Variants in ABHD4 observed in about 807,000 individuals in gnomAD.
ABHD4 encodes the protein abhydrolase domain containing 4, N-acyl phospholipase B, also known as (Lyso)-N-acylphosphatidylethanolamine lipase.
Under a neutral mutation model 42.3 loss-of-function variants are expected in ABHD4, and 35 were observed. The ratio of observed to expected loss-of-function variants is 0.83; its 90% confidence interval spans 0.63 to 1.10. The LOEUF is 1.10. ABHD4 is among the 50% of genes least tolerant of loss of function. The pLI is 0.00. For synonymous variants in ABHD4, 169 were observed against 170.6 expected, an observed-to-expected ratio of 0.99 and a Z score of 0.07; for missense variants, 389 against 454.8, an observed-to-expected ratio of 0.86 and a Z score of 1.32.
At chr14:22,604,284 T>C in intron 4 of ABHD4, 1 of 607,732 alleles carries the variant, frequency 1.6e-6, no homozygotes, top group South Asian at 2.3e-5. Context: ...AAAGTCTCGC[T>C]CTGTCACCCA....
chr14:22,599,128 C>T (rs2139259984), intron 1 of ABHD4, among the ~76,000 whole-genome samples: 1 of 152,310 alleles, frequency 6.6e-6, no homozygotes, highest in Middle Eastern at 3.4e-3. Flanking sequence ...GTTTTTCAGA[C>T]CTGTAGAACT....
At chr14:22,605,851 CA>C in intron 4 of ABHD4, 2 of 1,287,398 alleles carry the variant, frequency 1.6e-6, no homozygotes, top group African/African-American at 1.5e-5. Context: ...CTCATTTTTA[CA>C]GTCTGTTGTT....
chr14:22,601,632 T>G (rs1171890075), intron 1 of ABHD4, 35 bp from the exon 2 acceptor site: 1 of 1,580,466 alleles, frequency 6.3e-7, no homozygotes, highest in South Asian at 1.1e-5. Flanking sequence ...TTCTTTCCAA[T>G]GTTGCCAATG....
intron 1 of ABHD4, chr14:22,600,179 A>G (rs2037265678): frequency 2.2e-6 from 1 of 456,030 alleles, no homozygotes; most frequent in Non-Finnish European, 4.4e-6. Flanking sequence ...TAATGTGCCC[A>G]CAGTCACATT....
chr14:22,603,334 T>C (rs1173298422), intron 2 of ABHD4, 56 bp from the exon 3 acceptor site: 11 of 1,605,326 alleles, frequency 6.9e-6, no homozygotes, highest in Non-Finnish European at 9.4e-6. Context: ...CCAGGCAAAA[T>C]GATGATGCCG....
At chr14:22,606,367 C>T in intron 4 of ABHD4, 55 bp from the exon 5 acceptor site, 1 of 1,216,486 alleles carries the variant, frequency 8.2e-7, no homozygotes, top group South Asian at 1.3e-5. Context: ...AGGCAGGAGT[C>T]TTCCCTGCCC....
chr14:22,598,514 AGCCTGGGGAGCCATGGGAGACGCGCTC>A, intron 1 of ABHD4, 185 bp downstream of exon 1: 5 of 1,517,854 alleles, frequency 3.3e-6, no homozygotes, highest in Non-Finnish European at 4.4e-6. Context: ...GCAGCGGCTG[AGCCTGGGGAGCCATGGGAGACGCGCTC>A]GCCCGCAGCC....
At chr14:22,610,027 T>A in intron 6 of ABHD4, 117 bp downstream of exon 6, 1 of 959,604 alleles carries the variant, frequency 1.0e-6, no homozygotes, top group Non-Finnish European at 1.5e-6. Context: ...GATAGAGCAG[T>A]AGATTTGAGA....
intron 2 of ABHD4, 118 bp from the exon 3 acceptor site, chr14:22,603,272 T>G: frequency 2.3e-6 from 3 of 1,300,632 alleles, no homozygotes; most frequent in Non-Finnish European, 3.2e-6. Flanking sequence ...AGGAAGGAGC[T>G]GAGGGAAGTT....
Position 22,612,087 on chromosome 14 carries a change from C to T in ABHD4, c.*1139C>T, listed in dbSNP as rs1219255206. 6.5e-6 allele frequency: 1 copy of T among 152,672 alleles called. No individual in the cohort carries two copies. Among genetic ancestry groups the T allele is most frequent in the Admixed American group, 6.5e-5 (1 of 15,288 alleles). The allele number at this position is 152,672 out of a possible 1,614,324, so 9.5% of individuals were successfully genotyped here. On this transcript the variant is annotated 3_prime_UTR_variant, in exon 7 of 7. Transcript: ENST00000428304. ...TCCTTATCAGCCACTGGGTGGTTCC[C>T]ACTGCATGACCCTCTATCCCTGCCA...
At position 22,611,829 on chromosome 14, in the gene ABHD4, A is replaced by T. The variant is rs955091953; in HGVS notation, c.*881A>T. 6.5e-6 allele frequency: 1 copy of T among 153,026 alleles called. No individual in the cohort carries two copies. Among genetic ancestry groups the T allele is most frequent in the Admixed American group, 6.5e-5 (1 of 15,284 alleles). 9.5% of individuals were successfully genotyped at this position (153,026 alleles called of 1,614,324 possible). A position where few individuals can be genotyped will look rare whatever the true frequency, so the allele number is the denominator to read the frequency against. On this transcript the variant is annotated 3_prime_UTR_variant, in exon 7 of 7. Transcript: ENST00000428304. ...CCTTCCTTGCCCCATCTTCCTCCCA[A>T]CTGGAGGCCTCTGAGCCTCCCCTGT...
At chr14:22,605,939 G>A in intron 4 of ABHD4, 1 of 831,694 alleles carries the variant, frequency 1.2e-6, no homozygotes. Flanking sequence ...ACACGATTGT[G>A]TTTAGTTCAC....
At chr14:22,601,142 C>T (rs544691041) in intron 1 of ABHD4, among the ~76,000 whole-genome samples, 1 of 152,262 alleles carries the variant, frequency 6.6e-6, no homozygotes, top group South Asian at 2.1e-4. Context: ...TGATTGATTA[C>T]CTGAGAGATC....
Position 22,603,760 on chromosome 14 carries a change from T to C in ABHD4, c.483T>C (p.Asp161=), listed in dbSNP as rs952893721. 1.9e-6 allele frequency: 3 copies of C among 1,575,942 alleles called. No homozygotes were observed. Among genetic ancestry groups the C allele is most frequent in the Middle Eastern group, 1.7e-4 (1 of 5,868 alleles). The stretch of plus-strand genomic sequence containing the variant: ...CTTCTTACTCAATCAAGTACCCTGA[T>C]AGGTAATAAGGAGATGGCTCCATCC... ...LATSYSIKYP[D]RVKHLILVDP... The change falls in exon 3 of 7, where the codon GAT becomes GAC. Residue 161 remains aspartate (D), a splice_region_variant and synonymous_variant. Coordinates refer to ENST00000428304, the MANE Select transcript of ABHD4 (RefSeq NM_022060.3).
intron 5 of ABHD4, among the ~76,000 whole-genome samples, chr14:22,607,579 AACCCTG>A: frequency 6.6e-6 from 1 of 152,210 alleles, no homozygotes; most frequent in Non-Finnish European, 1.5e-5. Flanking sequence ...CTAATTGAAG[AACCCTG>A]ATCAAACAGT....
intron 3 of ABHD4, 71 bp from the exon 4 acceptor site, chr14:22,603,854 G>A: frequency 6.3e-7 from 1 of 1,592,042 alleles, no homozygotes; most frequent in South Asian, 1.1e-5. Context: ...CTCATTCCCA[G>A]GCGATTTAAG....
chr14:22,610,052 CTT>C lies in ABHD4; in HGVS notation c.939+144_939+145del, dbSNP rs528574007. The stretch of plus-strand genomic sequence containing the variant: ...TAGATTTGAGAAGTTTGGAAACTCT[CTT>C]TGGAATATCTTTTTTTTTTCGTGAT... On this transcript the variant is annotated intron_variant, in intron 6 of 6. Transcript: ENST00000428304. The C allele has an allele frequency of 6.9e-3, 5,114 of 743,808 alleles. 65 individuals are homozygous for C. The highest frequency in any genetic ancestry group is 0.03 in the South Asian group (1,304 of 43,540). The allele number at this position is 743,808 out of a possible 1,614,324, so 46.1% of individuals were successfully genotyped here.
intron 1 of ABHD4, chr14:22,600,053 CA>C (rs2037264305): frequency 5.7e-6 from 2 of 352,382 alleles, no homozygotes; most frequent in Non-Finnish European, 1.2e-5. Context: ...TTGTGCTAGG[CA>C]ATATTCTATG....
chr14:22,609,753 A>C lies in ABHD4; in HGVS notation c.782A>C (p.Glu261Ala), dbSNP rs759938203. Residue 261 changes from glutamate (E) to alanine (A), a missense_variant, in exon 6 of 7, where the codon GAG becomes GCG. This residue lies in a region of ABHD4 where 249 missense variants were observed against 254.4 expected (regional missense o/e 0.98). Transcript: ENST00000428304. Reference protein sequence around the residue: ...SGETAFKAMMESFGWARRPML... With the variant: ...SGETAFKAMMASFGWARRPML... Reference sequence around the variant, plus strand: ...GAGACAGCATTCAAAGCCATGATGGAGTCCTTTGGCTGGGCCCGGCGCCCT... The same window carrying C: ...GAGACAGCATTCAAAGCCATGATGGCGTCCTTTGGCTGGGCCCGGCGCCCT... 33 of 1,613,962 alleles carry C rather than the reference A, an allele frequency of 2.0e-5. No homozygotes were observed. The highest frequency in any genetic ancestry group is 2.8e-5 in the Non-Finnish European group (33 of 1,180,028).
Sources: allele counts gnomAD v4.1 joint callset (sites outside exome capture counted in the v4.1 genomes callset), GRCh38; gene constraint gnomAD v4.1.1; regional missense constraint gnomAD v4.1.1; transcripts MANE v1.5; gene names NCBI Gene and HGNC (gene_info 2026-07-23, HGNC 2026-07-21).